Variants in RBFOX1 observed in about 807,000 individuals in gnomAD.
The protein encoded by RBFOX1 is RNA binding fox-1 homolog 1.
A neutral mutation model predicts 57.7 loss-of-function variants in RBFOX1; 8 were observed. That is an observed-to-expected ratio of 0.14 (90% CI 0.08 to 0.25). RBFOX1 has a LOEUF of 0.25. Ranked by LOEUF, RBFOX1 falls within the 10% of genes least tolerant of loss-of-function variation. The probability of loss-of-function intolerance (pLI) is 1.00; values close to 1 mark genes in which losing one functional copy is unlikely to be tolerated. For missense variants in RBFOX1, 611 were observed against 548.5 expected (o/e 1.11, Z -1.14); for synonymous variants, 326 against 222.4 (o/e 1.47, Z -4.15).
chr16:7,333,181 A>G, intron 4 of RBFOX1: 1 of 1,235,830 alleles, frequency 8.1e-7, no homozygotes, highest in Non-Finnish European at 1.2e-6. Context: ...AACACTTTTA[A>G]TACAGGAAAA....
intron 3 of RBFOX1, among the ~76,000 whole-genome samples, chr16:5,649,518 G>A (rs2049163551): frequency 6.6e-6 from 1 of 152,154 alleles, no homozygotes; most frequent in Non-Finnish European, 1.5e-5. Flanking sequence ...ATTGGCAGTT[G>A]TTATTGGTCT....
intron 3 of RBFOX1, among the ~76,000 whole-genome samples, chr16:6,864,140 G>A (rs933935323): frequency 1.3e-5 from 2 of 152,062 alleles, no homozygotes; most frequent in African/African-American, 4.8e-5. Flanking sequence ...GCAGGAAGAA[G>A]GAGGGGTCAT....
chr16:6,916,098 C>T (rs1438580138), intron 3 of RBFOX1, among the ~76,000 whole-genome samples: 1 of 152,130 alleles, frequency 6.6e-6, no homozygotes, highest in Non-Finnish European at 1.5e-5. Context: ...AGGGAAAGGG[C>T]ATAAGCGCTG....
chr16:6,042,676 C>T (rs972114667), intron 1 of RBFOX1, among the ~76,000 whole-genome samples: 4 of 151,812 alleles, frequency 2.6e-5, no homozygotes, highest in Admixed American at 2.6e-4. Context: ...TCTGGTGGTC[C>T]TAAGAAAGCG....
chr16:6,580,081 C>G (rs1428996147), intron 2 of RBFOX1, among the ~76,000 whole-genome samples: 1 of 152,032 alleles, frequency 6.6e-6, no homozygotes, highest in African/African-American at 2.4e-5. Flanking sequence ...GCCTCAGCCT[C>G]CCAGGTAGCT....
At chr16:6,954,966 C>T (rs1368676194) in intron 3 of RBFOX1, among the ~76,000 whole-genome samples, 4 of 151,702 alleles carry the variant, frequency 2.6e-5, no homozygotes, top group South Asian at 4.2e-4. Context: ...TGTGGTGGCT[C>T]GTGCCCATAA....
chr16:5,793,202 G>A (rs2054761076), intron 3 of RBFOX1, among the ~76,000 whole-genome samples: 1 of 152,236 alleles, frequency 6.6e-6, no homozygotes, highest in African/African-American at 2.4e-5. Flanking sequence ...GAAGTGCTTA[G>A]AGAGGCCAGG....
intron 3 of RBFOX1, among the ~76,000 whole-genome samples, chr16:6,996,257 T>C (rs8044114): frequency 0.084 from 12,805 of 152,280 alleles, 739 homozygotes; most frequent in East Asian, 0.27. Flanking sequence ...TAAATTCATA[T>C]AAATACAATG....
chr16:6,503,067 A>G (rs1005399573), intron 2 of RBFOX1, among the ~76,000 whole-genome samples: 1 of 152,226 alleles, frequency 6.6e-6, no homozygotes, highest in African/African-American at 2.4e-5. Context: ...ATTTAGACAT[A>G]TGGATGCATG....
chr16:7,504,917 A>G (rs1011583511), intron 4 of RBFOX1, among the ~76,000 whole-genome samples: 1 of 148,104 alleles, frequency 6.8e-6, no homozygotes, highest in African/African-American at 2.6e-5. Flanking sequence ...CGGCATTTGA[A>G]GCAATTTCGC....
intron 9 of RBFOX1, among the ~76,000 whole-genome samples, chr16:7,602,435 T>C (rs1005461283): frequency 6.6e-6 from 1 of 152,178 alleles, no homozygotes; most frequent in African/African-American, 2.4e-5. Flanking sequence ...CATTCTCCTT[T>C]TGTTGTAAGC....
intron 4 of RBFOX1, among the ~76,000 whole-genome samples, chr16:7,512,434 T>C (rs992214252): frequency 1.3e-5 from 2 of 152,212 alleles, no homozygotes; most frequent in Admixed American, 6.5e-5. Context: ...ATGGTCTTAA[T>C]TAAATATTAG....
intron 3 of RBFOX1, among the ~76,000 whole-genome samples, chr16:6,710,275 A>T (rs1220040459): frequency 6.6e-6 from 1 of 152,240 alleles, no homozygotes; most frequent in East Asian, 1.9e-4. Context: ...TGTCTAGAAG[A>T]ACATGATTAA....
chr16:6,284,211 C>G (rs2076669785), intron 1 of RBFOX1, among the ~76,000 whole-genome samples: 1 of 152,146 alleles, frequency 6.6e-6, no homozygotes, highest in African/African-American at 2.4e-5. Context: ...AATTTATATT[C>G]TTTTTCATGC....
chr16:7,381,932 G>A (rs2097787817), intron 4 of RBFOX1, among the ~76,000 whole-genome samples: 1 of 152,136 alleles, frequency 6.6e-6, no homozygotes, highest in South Asian at 2.1e-4. Context: ...GCCCAAAGAT[G>A]TCTCTAGACT....
At chr16:5,587,712 C>T (rs1022966694) in intron 2 of RBFOX1, among the ~76,000 whole-genome samples, 9 of 151,648 alleles carry the variant, frequency 5.9e-5, no homozygotes, top group East Asian at 1.9e-4. Context: ...GACTCTGTCT[C>T]GAAAAAGTCA....
intron 3 of RBFOX1, among the ~76,000 whole-genome samples, chr16:6,987,809 G>A (rs2090625372): frequency 6.6e-6 from 1 of 152,122 alleles, no homozygotes; most frequent in Non-Finnish European, 1.5e-5. Flanking sequence ...TGGGATGACT[G>A]GTCCGTGGAG....
chr16:6,795,938 T>G (rs564744175), intron 3 of RBFOX1, among the ~76,000 whole-genome samples: 2 of 152,256 alleles, frequency 1.3e-5, no homozygotes, highest in African/African-American at 4.8e-5. Flanking sequence ...AATCCAAACA[T>G]TGAGAAACAT....
chr16:7,300,851 T>G (rs929267290), intron 4 of RBFOX1, among the ~76,000 whole-genome samples: 11 of 152,234 alleles, frequency 7.2e-5, no homozygotes, highest in African/African-American at 2.7e-4. Context: ...TTCCTGCACT[T>G]TTTCAGCTTC....
Sources: gnomAD v4.1 joint callset for allele counts (sites outside exome capture counted in the v4.1 genomes callset) on GRCh38, gnomAD v4.1.1 for gene constraint, MANE v1.5 for transcripts, NCBI Gene and HGNC (gene_info 2026-07-23, HGNC 2026-07-21) for gene names.